IPCEF1: variants seen among roughly 807,000 people sequenced by gnomAD.
The protein encoded by IPCEF1 is interaction protein for cytohesin exchange factors 1, also known as interactor protein for cytohesin exchange factors 1.
IPCEF1 carries 31 observed loss-of-function variants against 50.9 expected under a neutral mutation model. The ratio of observed to expected loss-of-function variants is 0.61; its 90% CI spans 0.46 to 0.82. IPCEF1 has a LOEUF of 0.82. Ranked by LOEUF, IPCEF1 falls within the 40% of genes least tolerant of loss-of-function variation. The pLI is 0.00. For synonymous variants in IPCEF1, 181 were observed against 192.0 expected, an observed-to-expected ratio of 0.94 and a Z score of 0.47; for missense variants, 458 against 514.0, an observed-to-expected ratio of 0.89 and a Z score of 1.05.
intron 10 of IPCEF1, among the ~76,000 whole-genome samples, chr6:154,170,911 C>T (rs1265923943): frequency 6.6e-6 from 1 of 152,150 alleles, no homozygotes; most frequent in Non-Finnish European, 1.5e-5. Flanking sequence ...TGGTCTATCA[C>T]CTGGGCTGGA....
chr6:154,331,498 TA>T (rs1317341966), intron 1 of IPCEF1, among the ~76,000 whole-genome samples: 1 of 128,948 alleles, frequency 7.8e-6, no homozygotes, highest in Non-Finnish European at 1.6e-5. Flanking sequence ...GAAAGAAACT[TA>T]AAAAAAGAGC....
intron 2 of IPCEF1, among the ~76,000 whole-genome samples, chr6:154,284,786 G>C (rs1044898762): frequency 6.6e-6 from 1 of 152,306 alleles, no homozygotes; most frequent in East Asian, 1.9e-4. Context: ...TGGACCACAA[G>C]GTCAGGAGAT....
intron 9 of IPCEF1, among the ~76,000 whole-genome samples, chr6:154,211,159 G>A (rs914011575): frequency 2.6e-5 from 4 of 152,134 alleles, no homozygotes; most frequent in African/African-American, 9.7e-5. Context: ...GCTCACGCTT[G>A]TAATCCCAGC....
chr6:154,289,792 AG>A (rs1243520618), intron 1 of IPCEF1, 36 bp from the exon 2 acceptor site: 6 of 147,680 alleles, frequency 4.1e-5, no homozygotes, highest in Non-Finnish European at 7.4e-5. Flanking sequence ...AGAGAGAGAG[AG>A]GAAAAAAAAG....
intron 1 of IPCEF1, among the ~76,000 whole-genome samples, chr6:154,328,211 C>T (rs1449274442): frequency 1.3e-5 from 2 of 151,938 alleles, no homozygotes; most frequent in Non-Finnish European, 2.9e-5. Context: ...TACGTGCACC[C>T]CTGAACTTAA....
Position 154,156,062 on chromosome 6 carries a change from A to G in IPCEF1, c.*3766T>C, listed in dbSNP as rs1798702293. Reference sequence around the variant, plus strand: ...CATGCCTCAAAAAGCAAACAAAATAAACACTCTCCATTTCTTTAAATATAT... The same window carrying G: ...CATGCCTCAAAAAGCAAACAAAATAGACACTCTCCATTTCTTTAAATATAT... On this transcript the variant is annotated 3_prime_UTR_variant, in exon 12 of 12. Coordinates refer to ENST00000367220, the MANE Select transcript of IPCEF1 (RefSeq NM_001130700.2). 6.6e-6 allele frequency: 1 copy of G among 152,216 alleles called. No homozygotes were observed. Among genetic ancestry groups the G allele is most frequent in the Admixed American group, 6.5e-5 (1 of 15,286 alleles). 9.4% of individuals were successfully genotyped at this position (152,216 alleles called of 1,614,324 possible). A position where few individuals can be genotyped will look rare whatever the true frequency, so the allele number is the denominator to read the frequency against.
chr6:154,351,979 TG>T (rs1447276142), intron 1 of IPCEF1, among the ~76,000 whole-genome samples: 4 of 151,912 alleles, frequency 2.6e-5, no homozygotes, highest in Non-Finnish European at 5.9e-5. Flanking sequence ...CTGAGGCCTG[TG>T]AGGGCCGGGG....
At chr6:154,283,717 T>C (rs1782286667) in intron 2 of IPCEF1, among the ~76,000 whole-genome samples, 1 of 152,220 alleles carries the variant, frequency 6.6e-6, no homozygotes, top group South Asian at 2.1e-4. Context: ...AACAAGAACA[T>C]TGTTAGATTT....
intron 1 of IPCEF1, among the ~76,000 whole-genome samples, chr6:154,319,489 CTAAGA>C (rs1340613062): frequency 3.9e-5 from 6 of 152,132 alleles, no homozygotes; most frequent in Non-Finnish European, 8.8e-5. Flanking sequence ...GTTTCTACTC[CTAAGA>C]TGTTTTCCAC....
intron 5 of IPCEF1, among the ~76,000 whole-genome samples, chr6:154,228,508 C>G (rs1455087940): frequency 6.6e-6 from 1 of 152,184 alleles, no homozygotes; most frequent in East Asian, 1.9e-4. Flanking sequence ...GTTCTATGAT[C>G]TCAAACCTTT....
chr6:154,206,636 G>A (rs534496204), intron 9 of IPCEF1, among the ~76,000 whole-genome samples: 1 of 152,248 alleles, frequency 6.6e-6, no homozygotes, highest in South Asian at 2.1e-4. Context: ...AAACACTATG[G>A]GAATACAGAG....
chr6:154,252,253 A>G (rs765281812), intron 3 of IPCEF1, among the ~76,000 whole-genome samples: 7 of 152,190 alleles, frequency 4.6e-5, no homozygotes, highest in Non-Finnish European at 7.3e-5. Flanking sequence ...CAGCAAGGGG[A>G]CTGTGCCATT....
At chr6:154,275,734 C>A (rs962610383) in intron 2 of IPCEF1, among the ~76,000 whole-genome samples, 1 of 152,036 alleles carries the variant, frequency 6.6e-6, no homozygotes, top group Non-Finnish European at 1.5e-5. Flanking sequence ...AGCTATACCC[C>A]ATACAGCAGA....
chr6:154,195,758 C>T lies in IPCEF1; in HGVS notation c.910+3910G>A, dbSNP rs117386369. ...TCCCACTCAGCCCATTAGGTGTTAACATTTTTTAGACCAGAATTGTACCTT... is the reference window on the plus strand; with the variant it reads ...TCCCACTCAGCCCATTAGGTGTTAATATTTTTTAGACCAGAATTGTACCTT... On this transcript the variant is annotated intron_variant, in intron 10 of 11. Transcript: ENST00000367220. 1.9e-4 allele frequency among the ~76,000 whole-genome samples: 28 copies of T among 150,834 alleles called. No individual in the cohort carries two copies. In the East Asian group the frequency reaches 5.5e-3, roughly 29 times the overall value.
chr6:154,209,824 A>G (rs979696058), intron 9 of IPCEF1, among the ~76,000 whole-genome samples: 6 of 151,874 alleles, frequency 4.0e-5, no homozygotes, highest in East Asian at 1.9e-4. Context: ...TCTAAGGGGG[A>G]AAAAAAATCT....
chr6:154,278,082 C>A (rs1265568579), intron 2 of IPCEF1, among the ~76,000 whole-genome samples: 1 of 152,178 alleles, frequency 6.6e-6, no homozygotes, highest in Non-Finnish European at 1.5e-5. Flanking sequence ...TAGAAGGAAT[C>A]ACCTATTTTT....
chr6:154,229,647 T>C (rs57869542), intron 5 of IPCEF1, among the ~76,000 whole-genome samples: 12,919 of 152,102 alleles, frequency 0.085, 990 homozygotes, highest in East Asian at 0.43. Flanking sequence ...TGAGCCACCG[T>C]GCCCAGCAGT....
intron 5 of IPCEF1, among the ~76,000 whole-genome samples, chr6:154,239,291 A>G (rs1390484393): frequency 2.0e-5 from 3 of 152,222 alleles, no homozygotes; most frequent in Admixed American, 2.0e-4. Flanking sequence ...CCATAAAGCT[A>G]TGACAGGGGA....
chr6:154,188,684 T>C (rs1801597183), intron 10 of IPCEF1, among the ~76,000 whole-genome samples: 1 of 152,158 alleles, frequency 6.6e-6, no homozygotes, highest in South Asian at 2.1e-4. Flanking sequence ...AGTGGCCCAC[T>C]GGGTAGATGA....
Sources: allele counts gnomAD v4.1 joint callset (sites outside exome capture counted in the v4.1 genomes callset), GRCh38; gene constraint gnomAD v4.1.1; transcripts MANE v1.5; gene names NCBI Gene and HGNC (gene_info 2026-07-23, HGNC 2026-07-21).